PCDHA12: variants seen among roughly 807,000 people sequenced by gnomAD.
PCDHA12 encodes protocadherin alpha-12.
A neutral mutation model predicts 60.0 loss-of-function variants in PCDHA12; 44 were observed. That is an observed-to-expected ratio of 0.73 (90% confidence interval 0.58 to 0.94). The LOEUF is 0.94. Ranked by LOEUF, PCDHA12 falls within the 40% of genes least tolerant of loss-of-function variation. PCDHA12 has a pLI of 0.00. For missense variants in PCDHA12, 1,276 were observed against 1,239.7 expected (o/e 1.03, Z -0.44); for synonymous variants, 569 against 553.0 (o/e 1.03, Z -0.40).
chr5:140,923,110 A>G (rs2081174881), intron 1 of PCDHA12, among the ~76,000 whole-genome samples: 1 of 152,184 alleles, frequency 6.6e-6, no homozygotes, highest in South Asian at 2.1e-4. Flanking sequence ...TATGATTTTA[A>G]GTTTTTAGGG....
At chr5:141,002,757 A>G (rs1234528731) in intron 3 of PCDHA12, among the ~76,000 whole-genome samples, 1 of 152,224 alleles carries the variant, frequency 6.6e-6, no homozygotes, top group African/African-American at 2.4e-5. Context: ...CAACCCTGTG[A>G]TGTAGACAGG....
chr5:140,908,816 G>T (rs1606122), intron 1 of PCDHA12, among the ~76,000 whole-genome samples: 42,837 of 152,040 alleles, frequency 0.28, 6,902 homozygotes, highest in East Asian at 0.53. Flanking sequence ...AGAGCCTTTT[G>T]GGTTACTCGA....
chr5:140,932,607 T>C (rs555006363), intron 1 of PCDHA12, among the ~76,000 whole-genome samples: 8 of 152,052 alleles, frequency 5.3e-5, no homozygotes, highest in Non-Finnish European at 7.4e-5. Flanking sequence ...CTATTTTGAC[T>C]TTGAAGCTGA....
At chr5:140,943,275 AAAG>A (rs1197372058) in intron 1 of PCDHA12, among the ~76,000 whole-genome samples, 86 of 137,844 alleles carry the variant, frequency 6.2e-4, no homozygotes, top group African/African-American at 2.2e-3. Flanking sequence ...AAAAAAAAAA[AAAG>A]AAAGAAAGAA....
chr5:140,934,236 T>C (rs532427064), intron 1 of PCDHA12, among the ~76,000 whole-genome samples: 1 of 152,290 alleles, frequency 6.6e-6, no homozygotes, highest in South Asian at 2.1e-4. Context: ...TTGTACTTAA[T>C]TGTGGAGATT....
At chr5:140,978,861 T>C (rs540878929) in intron 1 of PCDHA12, 88 bp from the exon 2 acceptor site, 1 of 1,599,110 alleles carries the variant, frequency 6.3e-7, no homozygotes, top group African/African-American at 1.3e-5. Flanking sequence ...CCTGGAAATA[T>C]TTAAGGGAGT....
At chr5:140,897,237 G>C (rs1188679482) in intron 1 of PCDHA12, among the ~76,000 whole-genome samples, 1 of 151,784 alleles carries the variant, frequency 6.6e-6, no homozygotes, top group African/African-American at 2.4e-5. Context: ...CAATGTGCAG[G>C]TTAGTTACAT....
chr5:140,988,739 G>A (rs2097310931), intron 3 of PCDHA12, among the ~76,000 whole-genome samples: 1 of 152,096 alleles, frequency 6.6e-6, no homozygotes, highest in Non-Finnish European at 1.5e-5. Flanking sequence ...AATTATTCTA[G>A]GATTGGTGGC....
At chr5:140,922,858 G>C (rs1363202579) in intron 1 of PCDHA12, among the ~76,000 whole-genome samples, 1 of 152,124 alleles carries the variant, frequency 6.6e-6, no homozygotes, top group Non-Finnish European at 1.5e-5. Flanking sequence ...CAAATACATA[G>C]ACAAGGGGAA....
At chr5:140,900,178 T>G (rs972449455) in intron 1 of PCDHA12, among the ~76,000 whole-genome samples, 1 of 152,238 alleles carries the variant, frequency 6.6e-6, no homozygotes, top group East Asian at 1.9e-4. Flanking sequence ...GCCTGGTTTA[T>G]GTCACTTATA....
chr5:140,966,960 T>C, intron 1 of PCDHA12: 1 of 1,603,106 alleles, frequency 6.2e-7, no homozygotes, highest in Non-Finnish European at 8.5e-7. Context: ...GCTCGCGCGC[T>C]GGGGCTTGAG....
At chr5:140,978,767 AC>A (rs1167493285) in intron 1 of PCDHA12, among the ~76,000 whole-genome samples, 181 bp from the exon 2 acceptor site, 4 of 152,342 alleles carry the variant, frequency 2.6e-5, no homozygotes, top group South Asian at 2.1e-4. Flanking sequence ...ACCCTGATGA[AC>A]TAATTTTCTT....
intron 1 of PCDHA12, among the ~76,000 whole-genome samples, chr5:140,940,564 T>C (rs1481591678): frequency 2.0e-5 from 3 of 152,228 alleles, no homozygotes; most frequent in Non-Finnish European, 4.4e-5. Flanking sequence ...TTCTCCTACC[T>C]TGGCTCCCAA....
At chr5:140,970,948 C>T (rs1339410112) in intron 1 of PCDHA12, among the ~76,000 whole-genome samples, 1 of 152,114 alleles carries the variant, frequency 6.6e-6, no homozygotes, top group Non-Finnish European at 1.5e-5. Context: ...TGCTGAGAAA[C>T]CATGGGAGGC....
At chr5:140,947,769 A>G (rs2094173274) in intron 1 of PCDHA12, among the ~76,000 whole-genome samples, 1 of 151,626 alleles carries the variant, frequency 6.6e-6, no homozygotes, top group South Asian at 2.1e-4. Context: ...AAAAAATTCT[A>G]TTGTAAATGG....
chr5:140,928,771 A>G lies in PCDHA12; in HGVS notation c.2368-50178A>G, dbSNP rs1554206294. 2 of 1,613,880 alleles carry G rather than the reference A, an allele frequency of 1.2e-6. No individual in the cohort carries two copies. Among genetic ancestry groups the G allele is most frequent in the East Asian group, 2.2e-5 (1 of 44,892 alleles). ...CCGTACTGCTCGCTTAGTTCTTCCC[A>G]CTGATGCAGTTAAGCAGAGGGTGGT... On this transcript the variant is annotated intron_variant, in intron 1 of 3. Coordinates refer to ENST00000398631, the MANE Select transcript of PCDHA12 (RefSeq NM_018903.4).
intron 1 of PCDHA12, chr5:140,883,678 G>A (rs555791080): frequency 3.7e-6 from 6 of 1,613,902 alleles, no homozygotes; most frequent in South Asian, 3.3e-5. Flanking sequence ...ACAATCCGCC[G>A]GGCTGCCACA....
chr5:140,895,968 G>T lies in PCDHA12; in HGVS notation c.2367+18129G>T, dbSNP rs190056652. 4.1e-3 allele frequency among the ~76,000 whole-genome samples: 628 copies of T among 152,052 alleles called. 2 individuals are homozygous for T. Among genetic ancestry groups the T allele is most frequent in the Middle Eastern group, 6.8e-3 (2 of 294 alleles). On this transcript the variant is annotated intron_variant, in intron 1 of 3. Coordinates refer to ENST00000398631, the MANE Select transcript of PCDHA12 (RefSeq NM_018903.4). ...TGGGATTACAGGTGCCTGTCACCAG[G>T]CCTAGCTAATTTTTGTATTTTAAGT... is the stretch of plus-strand genomic sequence containing the variant.
chr5:140,892,772 C>G (rs1053940130), intron 1 of PCDHA12, among the ~76,000 whole-genome samples: 1 of 152,144 alleles, frequency 6.6e-6, no homozygotes, highest in African/African-American at 2.4e-5. Context: ...ACTCTTCTAG[C>G]TTCTTGAAAA....
Sources: gnomAD v4.1 joint callset for allele counts (sites outside exome capture counted in the v4.1 genomes callset) on GRCh38, gnomAD v4.1.1 for gene constraint, MANE v1.5 for transcripts, NCBI Gene and HGNC (gene_info 2026-07-23, HGNC 2026-07-21) for gene names.